SIN3A: variants seen among roughly 807,000 people sequenced by gnomAD.
The protein encoded by SIN3A is SIN3 transcription regulator family member A, also known as paired amphipathic helix protein Sin3a.
SIN3A carries 14 observed loss-of-function variants against 146.1 expected under a neutral mutation model. The ratio of observed to expected loss-of-function variants is 0.10; its 90% CI spans 0.06 to 0.15. The LOEUF is 0.15. SIN3A is among the 10% of genes least tolerant of loss of function. The probability of loss-of-function intolerance (pLI) is 1.00; values close to 1 mark genes in which losing one functional copy is unlikely to be tolerated. For missense variants in SIN3A, 1,028 were observed against 1,576.0 expected, an observed-to-expected ratio of 0.65 and a Z score of 5.89; for synonymous variants, 572 against 572.0, an observed-to-expected ratio of 1.00 and a Z score of 0.00.
At chr15:75,445,380 CAA>C (rs10539996) in intron 1 of SIN3A, among the ~76,000 whole-genome samples, 21,367 of 62,964 alleles carry the variant, frequency 0.34, 1,900 homozygotes, top group African/African-American at 0.44. Context: ...GACACTGTCT[CAA>C]AAAAAAAAAA....
Position 75,409,967 on chromosome 15 carries a change from T to G in SIN3A, c.1186A>C (p.Lys396Gln), listed in dbSNP as rs1261051259. 6.2e-7 allele frequency: 1 copy of G among 1,614,186 alleles called. No individual in the cohort carries two copies. The highest frequency in any genetic ancestry group is 1.7e-5 in the Admixed American group (1 of 60,008). ...TGATCATTTCTCACAGAATCAACCT[T>G]CTCAGCAGTTGTTTTGCTTAAAAGC... is the stretch of plus-strand genomic sequence containing the variant. ...SVLLSKTTAEKVDSVRNDHGG... is the reference protein window; with the variant it reads ...SVLLSKTTAEQVDSVRNDHGG... The change falls in exon 8 of 21, where the codon AAG (lysine) becomes CAG (glutamine). Residue 396 changes from lysine (K) to glutamine (Q), a missense_variant. Coordinates refer to ENST00000394947, the MANE Select transcript of SIN3A (RefSeq NM_001145358.2).
chr15:75,417,207 G>C (rs1459611617), intron 3 of SIN3A, among the ~76,000 whole-genome samples: 2 of 152,046 alleles, frequency 1.3e-5, no homozygotes, highest in Non-Finnish European at 2.9e-5. Context: ...GTCTGATTTA[G>C]GACAGAGACA....
intron 1 of SIN3A, among the ~76,000 whole-genome samples, chr15:75,449,911 C>A (rs1401422175): frequency 6.6e-5 from 10 of 152,284 alleles, no homozygotes; most frequent in African/African-American, 2.2e-4. Flanking sequence ...TCCCCAGTAG[C>A]TGGGATTACA....
intron 9 of SIN3A, among the ~76,000 whole-genome samples, chr15:75,405,041 G>A (rs1382627731): frequency 6.6e-6 from 1 of 151,882 alleles, no homozygotes; most frequent in Non-Finnish European, 1.5e-5. Flanking sequence ...CAGCTACTCA[G>A]GAGGGTAAGA....
intron 2 of SIN3A, among the ~76,000 whole-genome samples, chr15:75,428,401 C>G (rs1461586121): frequency 2.0e-5 from 3 of 152,220 alleles, no homozygotes; most frequent in Non-Finnish European, 4.4e-5. Flanking sequence ...GCAGCCTTGA[C>G]TTCCTGGGCT....
In SIN3A at chr15:75,430,123, T is replaced by C. The variant is rs2073990576; in HGVS notation, c.189+64A>G. ...TCTAACACAGTATTAAAAAAAGTTT[T>C]ATAATTGCCTAAAACCACTATTTCT... On this transcript the variant is annotated intron_variant, in intron 2 of 20. Transcript: ENST00000394947. The C allele has an allele frequency of 6.7e-6, 9 of 1,348,782 alleles. No individual in the cohort carries two copies. The East Asian group carries it at 1.9e-4, about 28-fold the overall frequency. 83.6% of individuals were successfully genotyped at this position (1,348,782 alleles called of 1,614,324 possible).
chr15:75,373,538 C>G (rs1035509604), intron 20 of SIN3A, among the ~76,000 whole-genome samples: 3 of 152,124 alleles, frequency 2.0e-5, no homozygotes, highest in African/African-American at 7.2e-5. Context: ...GAGCCACAAC[C>G]ACTTAATGAA....
At chr15:75,437,091 C>T (rs963479696) in intron 1 of SIN3A, among the ~76,000 whole-genome samples, 4 of 152,168 alleles carry the variant, frequency 2.6e-5, no homozygotes, top group East Asian at 1.9e-4. Context: ...ATTTCCTCCC[C>T]GACAACAGCC....
chr15:75,400,380 A>G (rs1367579995), intron 11 of SIN3A, among the ~76,000 whole-genome samples: 3 of 152,228 alleles, frequency 2.0e-5, no homozygotes, highest in Non-Finnish European at 4.4e-5. Context: ...CAGGAAGATC[A>G]CCTGAGCCCA....
intron 18 of SIN3A, chr15:75,381,199 A>C (rs1048174516): frequency 5.5e-6 from 1 of 183,312 alleles, no homozygotes; most frequent in Non-Finnish European, 1.1e-5. Context: ...TCCTGTGTAC[A>C]TTATCTGCCA....
In SIN3A at chr15:75,409,957, G is replaced by C. The variant is rs927455400; in HGVS notation, c.1196C>G (p.Ser399Cys). Residue 399 changes from serine to cysteine, a missense_variant, in exon 8 of 21, where the codon TCT becomes TGT. Ser to Cys is a moderately radical substitution (Grantham distance 112). Coordinates refer to ENST00000394947, the MANE Select transcript of SIN3A (RefSeq NM_001145358.2). ...LSKTTAEKVD[S>C]VRNDHGGTVK... ...AGTGCCTCCATGATCATTTCTCACAGAATCAACCTTCTCAGCAGTTGTTTT... is the reference window on the plus strand; with the variant it reads ...AGTGCCTCCATGATCATTTCTCACACAATCAACCTTCTCAGCAGTTGTTTT... 1.2e-6 allele frequency: 2 copies of C among 1,614,012 alleles called. No homozygotes were observed. Among genetic ancestry groups the C allele is most frequent in the African/African-American group, 2.7e-5 (2 of 74,910 alleles).
At chr15:75,415,942 G>A (rs1053886210) in intron 3 of SIN3A, 6 of 331,542 alleles carry the variant, frequency 1.8e-5, no homozygotes, top group Admixed American at 1.3e-4. Context: ...CTGGCAGGGA[G>A]GGGAATAACC....
intron 3 of SIN3A, among the ~76,000 whole-genome samples, chr15:75,417,352 T>C (rs2073758228): frequency 6.6e-6 from 1 of 152,066 alleles, no homozygotes; most frequent in African/African-American, 2.4e-5. Flanking sequence ...AAATAAACAT[T>C]TGATGTGATT....
At position 75,389,740 on chromosome 15, in the gene SIN3A, T is replaced by A. The variant is rs896907922; in HGVS notation, c.2933A>T (p.Gln978Leu). The A allele has an allele frequency of 6.2e-7, 1 of 1,614,154 alleles. No homozygotes were observed. Among genetic ancestry groups the A allele is most frequent in the Non-Finnish European group, 8.5e-7 (1 of 1,180,000 alleles). Residue 978 changes from glutamine to leucine, a missense_variant, in exon 16 of 21, where the codon CAG (glutamine) becomes CTG (leucine). By Grantham distance (113) the Gln-to-Leu change is moderately radical (BLOSUM62 -2). This residue lies in a region of SIN3A where 488 missense variants were observed against 690.2 expected (regional missense o/e 0.71). Coordinates refer to ENST00000394947, the MANE Select transcript of SIN3A (RefSeq NM_001145358.2). ...CATCTCTCTCAGTGAATCTTCATACTGTGATGAGTCTATGTTGCCATCCAG... is the reference window on the plus strand; with the variant it reads ...CATCTCTCTCAGTGAATCTTCATACAGTGATGAGTCTATGTTGCCATCCAG... ...SLLDGNIDSS[Q>L]YEDSLREMFT...
intron 13 of SIN3A, 70 bp from the exon 14 acceptor site, chr15:75,394,933 G>C (rs1212377584): frequency 6.9e-7 from 1 of 1,450,122 alleles, no homozygotes; most frequent in Non-Finnish European, 9.3e-7. Flanking sequence ...AAATTTGCCA[G>C]GCTTACTTTA....
intron 1 of SIN3A, among the ~76,000 whole-genome samples, chr15:75,433,266 G>A (rs994570003): frequency 2.0e-5 from 3 of 152,036 alleles, no homozygotes; most frequent in African/African-American, 4.8e-5. Flanking sequence ...TTCAAACAGG[G>A]GCAAAAGGAG....
In SIN3A at chr15:75,409,710, G is replaced by C. The variant is rs2073593454; in HGVS notation, c.1317+126C>G. Reference sequence around the variant, plus strand: ...CCACTGCACTCCAGCTTGGGCGACAGAGCGAGACTCGGTCTCAAAAAAACA... The same window carrying C: ...CCACTGCACTCCAGCTTGGGCGACACAGCGAGACTCGGTCTCAAAAAAACA... On this transcript the variant is annotated intron_variant, in intron 8 of 20. Coordinates refer to ENST00000394947, the MANE Select transcript of SIN3A (RefSeq NM_001145358.2). 5.8e-6 allele frequency: 6 copies of C among 1,029,928 alleles called. No individual in the cohort carries two copies. In the South Asian group the frequency reaches 9.5e-5, roughly 16 times the overall value. The allele number at this position is 1,029,928 out of a possible 1,614,324, so 63.8% of individuals were successfully genotyped here. A position where few individuals can be genotyped will look rare whatever the true frequency, so the allele number is the denominator to read the frequency against.
rs1401667791 is a variant in SIN3A at position 75,370,471 on chromosome 15, C to A, written c.*1508G>T. On this transcript the variant is annotated 3_prime_UTR_variant, in exon 21 of 21. Coordinates refer to ENST00000394947, the MANE Select transcript of SIN3A (RefSeq NM_001145358.2). ...TCTTTGTTCAGAAAGTCCAGGTTAA[C>A]CACATAGAAAAATCCTAATCATTCA... 6.6e-6 allele frequency: 1 copy of A among 152,112 alleles called. No individual in the cohort carries two copies. Among genetic ancestry groups the A allele is most frequent in the Admixed American group, 6.5e-5 (1 of 15,278 alleles). The allele number at this position is 152,112 out of a possible 1,614,324, so 9.4% of individuals were successfully genotyped here.
chr15:75,403,563 C>T (rs1215834639), intron 9 of SIN3A, among the ~76,000 whole-genome samples: 10 of 149,974 alleles, frequency 6.7e-5, no homozygotes, highest in African/African-American at 2.2e-4. Flanking sequence ...TTTTTGAGAC[C>T]GAGTTTCACT....
Sources: allele counts gnomAD v4.1 joint callset (sites outside exome capture counted in the v4.1 genomes callset), GRCh38; gene constraint gnomAD v4.1.1; regional missense constraint gnomAD v4.1.1; transcripts MANE v1.5; gene names NCBI Gene and HGNC (gene_info 2026-07-23, HGNC 2026-07-21).